Variants in DLG2 observed in about 807,000 individuals in gnomAD.
DLG2 encodes the protein disks large homolog 2.
A neutral mutation model predicts 132.5 loss-of-function variants in DLG2; 45 were observed. The observed-to-expected ratio is 0.34, with a 90% CI of 0.27 to 0.44. The LOEUF (loss-of-function observed/expected upper bound fraction) is 0.44. Among genes scored for constraint, DLG2 ranks in the 20% least tolerant of loss-of-function variants. DLG2 has a pLI of 1.00. For missense variants in DLG2, 1,045 were observed against 1,196.9 expected, an observed-to-expected ratio of 0.87 and a Z score of 1.87; for synonymous variants, 424 against 419.6, an observed-to-expected ratio of 1.01 and a Z score of -0.13.
intron 6 of DLG2, among the ~76,000 whole-genome samples, chr11:84,590,104 C>T (rs1175227103): frequency 1.3e-5 from 2 of 152,108 alleles, no homozygotes; most frequent in South Asian, 2.1e-4. Flanking sequence ...AATGTCCTAC[C>T]CTGTTGGAAG....
intron 7 of DLG2, among the ~76,000 whole-genome samples, chr11:84,288,886 G>T (rs2097947146): frequency 6.6e-6 from 1 of 151,936 alleles, no homozygotes; most frequent in African/African-American, 2.4e-5. Flanking sequence ...AAGCTTTTGT[G>T]ATATTTACTT....
intron 6 of DLG2, among the ~76,000 whole-genome samples, chr11:84,860,798 C>A (rs941579086): frequency 6.9e-6 from 1 of 145,902 alleles, no homozygotes; most frequent in African/African-American, 2.6e-5. Context: ...ATAAGTCAAG[C>A]AAGAAAAATG....
intron 6 of DLG2, among the ~76,000 whole-genome samples, chr11:84,606,390 G>A (rs1351101570): frequency 6.6e-6 from 1 of 151,630 alleles, no homozygotes; most frequent in Non-Finnish European, 1.5e-5. Context: ...ACACACACAT[G>A]GAAATACTCC....
At chr11:85,165,768 G>A (rs2078394245) in intron 4 of DLG2, among the ~76,000 whole-genome samples, 1 of 152,076 alleles carries the variant, frequency 6.6e-6, no homozygotes, top group Non-Finnish European at 1.5e-5. Flanking sequence ...ACATGCAATA[G>A]GCCAAACAAA....
chr11:83,874,374 T>A (rs760111450), intron 16 of DLG2, 46 bp downstream of exon 16: 4 of 1,359,564 alleles, frequency 2.9e-6, no homozygotes, highest in Non-Finnish European at 4.0e-6. Flanking sequence ...GAAGACTTCA[T>A]ATTCCAAGGC....
intron 11 of DLG2, among the ~76,000 whole-genome samples, chr11:84,036,536 T>G (rs2095867495): frequency 6.6e-6 from 1 of 152,156 alleles, no homozygotes; most frequent in African/African-American, 2.4e-5. Flanking sequence ...GCAGCAAAAC[T>G]GAAGCTTTCA....
chr11:83,769,548 T>A (rs1187935158), intron 18 of DLG2, among the ~76,000 whole-genome samples: 1 of 149,950 alleles, frequency 6.7e-6, no homozygotes, highest in African/African-American at 2.4e-5. Flanking sequence ...TAGAGGAGAA[T>A]GACTCTAGCT....
At position 83,615,714 on chromosome 11, in the gene DLG2, G is replaced by A. The variant is rs191328173; in HGVS notation, c.1940+17497C>T. 6.2e-3 allele frequency among the ~76,000 whole-genome samples: 941 copies of A among 152,318 alleles called. 6 individuals are homozygous for A. The highest frequency in any genetic ancestry group is 0.02 in the Middle Eastern group (6 of 294). ...ATTGTTGATTCTGAAGATGGAAGAA[G>A]GGGGCCACGAGCCATGGAATGCAGC... On this transcript the variant is annotated intron_variant, in intron 19 of 27. Coordinates refer to ENST00000376104, the MANE Select transcript of DLG2 (RefSeq NM_001142699.3).
At chr11:84,966,703 C>A (rs1026358927) in intron 6 of DLG2, among the ~76,000 whole-genome samples, 1 of 152,100 alleles carries the variant, frequency 6.6e-6, no homozygotes, top group Non-Finnish European at 1.5e-5. Context: ...TGGGATCATA[C>A]ATGGTCTTTC....
chr11:83,508,113 A>C (rs2094823376), intron 21 of DLG2, among the ~76,000 whole-genome samples: 1 of 152,092 alleles, frequency 6.6e-6, no homozygotes, highest in African/African-American at 2.4e-5. Context: ...CTCCTTTGGC[A>C]ACACCCTCAC....
chr11:84,850,033 C>A (rs1321943490), intron 6 of DLG2, among the ~76,000 whole-genome samples: 1 of 151,936 alleles, frequency 6.6e-6, no homozygotes, highest in Non-Finnish European at 1.5e-5. Flanking sequence ...TTCAATTTTG[C>A]CTTACTTTGA....
intron 6 of DLG2, chr11:84,762,073 A>C: frequency 6.8e-6 from 1 of 148,136 alleles, no homozygotes; most frequent in African/African-American, 2.6e-5. Context: ...TTTGAACCAA[A>C]AATATATATT....
chr11:85,017,995 G>T (rs2059714703), intron 6 of DLG2, among the ~76,000 whole-genome samples: 1 of 152,150 alleles, frequency 6.6e-6, no homozygotes, highest in African/African-American at 2.4e-5. Flanking sequence ...ATGGACTAAT[G>T]ATATAAGTGT....
At chr11:85,543,016 C>G (rs764701864) in intron 3 of DLG2, among the ~76,000 whole-genome samples, 1 of 151,902 alleles carries the variant, frequency 6.6e-6, no homozygotes. Context: ...AATTTAAGTT[C>G]CGGGATACAT....
chr11:84,139,248 A>G (rs1011455066), intron 9 of DLG2, among the ~76,000 whole-genome samples: 1 of 152,128 alleles, frequency 6.6e-6, no homozygotes, highest in African/African-American at 2.4e-5. Flanking sequence ...GAGGTGATCA[A>G]TTTACACTTG....
At chr11:84,949,074 T>G (rs555446240) in intron 6 of DLG2, among the ~76,000 whole-genome samples, 77 of 152,302 alleles carry the variant, frequency 5.1e-4, no homozygotes, top group African/African-American at 1.7e-3. Flanking sequence ...TCTATTTTCC[T>G]AAGCGTCGGC....
At chr11:84,402,268 T>C (rs2098832099) in intron 7 of DLG2, among the ~76,000 whole-genome samples, 1 of 152,200 alleles carries the variant, frequency 6.6e-6, no homozygotes, top group Non-Finnish European at 1.5e-5. Context: ...GAATAAAATG[T>C]ATCTATATTA....
chr11:85,372,459 A>C (rs1396336564), intron 3 of DLG2, among the ~76,000 whole-genome samples: 1 of 152,228 alleles, frequency 6.6e-6, no homozygotes, highest in Non-Finnish European at 1.5e-5. Flanking sequence ...TCTCAGACTC[A>C]ATTCCAAGCT....
At chr11:85,138,076 T>A (rs1468538899) in intron 5 of DLG2, among the ~76,000 whole-genome samples, 1 of 152,152 alleles carries the variant, frequency 6.6e-6, no homozygotes, top group East Asian at 1.9e-4. Context: ...AGTGAACCAA[T>A]AATTGCTAAT....
Sources: gnomAD v4.1 joint callset for allele counts (sites outside exome capture counted in the v4.1 genomes callset) on GRCh38, gnomAD v4.1.1 for gene constraint, MANE v1.5 for transcripts, NCBI Gene and HGNC (gene_info 2026-07-23, HGNC 2026-07-21) for gene names.